Variants in B3GALT1 observed in about 807,000 individuals in gnomAD.
The protein encoded by B3GALT1 is beta-1,3-galactosyltransferase 1.
B3GALT1 carries 10 observed loss-of-function variants against 23.2 expected under a neutral mutation model. The ratio of observed to expected loss-of-function variants is 0.43; its 90% confidence interval spans 0.27 to 0.73. B3GALT1 has a LOEUF of 0.73. B3GALT1 is among the 30% of genes least tolerant of loss of function. B3GALT1 has a pLI of 0.21. For synonymous variants in B3GALT1, 156 were observed against 141.5 expected (o/e 1.10, Z -0.73); for missense variants, 299 against 405.4 (o/e 0.74, Z 2.25).
intron 3 of B3GALT1, among the ~76,000 whole-genome samples, chr2:167,672,766 A>G (rs568095453): frequency 6.6e-6 from 1 of 152,170 alleles, no homozygotes; most frequent in Non-Finnish European, 1.5e-5. Flanking sequence ...TTGTACATAA[A>G]TTAATTTTAT....
intron 1 of B3GALT1, among the ~76,000 whole-genome samples, chr2:167,295,562 A>G (rs1048235385): frequency 1.3e-5 from 2 of 152,242 alleles, no homozygotes; most frequent in African/African-American, 4.8e-5. Context: ...TTTAAAATAA[A>G]CTTCAATTAA....
At chr2:167,856,846 G>A (rs1490666234) in intron 4 of B3GALT1, among the ~76,000 whole-genome samples, 2 of 152,162 alleles carry the variant, frequency 1.3e-5, no homozygotes, top group African/African-American at 4.8e-5. Flanking sequence ...AGGTTTTGCT[G>A]TTCTTGTTAT....
chr2:167,438,627 A>G (rs991413333), intron 1 of B3GALT1, among the ~76,000 whole-genome samples: 1 of 152,348 alleles, frequency 6.6e-6, no homozygotes, highest in East Asian at 1.9e-4. Flanking sequence ...ATAAGCAGCC[A>G]GCTGGAAAAT....
chr2:167,686,527 A>G (rs1446904490), intron 3 of B3GALT1, among the ~76,000 whole-genome samples: 1 of 152,196 alleles, frequency 6.6e-6, no homozygotes, highest in Non-Finnish European at 1.5e-5. Flanking sequence ...CTCAAGTTCA[A>G]ACCAATTCCT....
At chr2:167,666,097 A>T (rs1488440536) in intron 3 of B3GALT1, among the ~76,000 whole-genome samples, 1 of 152,052 alleles carries the variant, frequency 6.6e-6, no homozygotes, top group Non-Finnish European at 1.5e-5. Context: ...AGTGCTGTAA[A>T]TTTCCCTCTA....
chr2:167,507,723 T>G (rs1442180874), intron 2 of B3GALT1, among the ~76,000 whole-genome samples: 1 of 152,064 alleles, frequency 6.6e-6, no homozygotes, highest in Non-Finnish European at 1.5e-5. Context: ...AGCCCTTAGT[T>G]ATTATATTTG....
intron 1 of B3GALT1, among the ~76,000 whole-genome samples, chr2:167,487,533 T>C (rs1470882237): frequency 1.3e-5 from 2 of 152,224 alleles, no homozygotes; most frequent in East Asian, 3.8e-4. Flanking sequence ...ATTTTATTTA[T>C]TTTTCTCATG....
At chr2:167,585,405 C>G (rs970834228) in intron 2 of B3GALT1, among the ~76,000 whole-genome samples, 4 of 152,194 alleles carry the variant, frequency 2.6e-5, no homozygotes, top group African/African-American at 9.6e-5. Flanking sequence ...AAGCACTTTA[C>G]AAGAGGCTAT....
At chr2:167,435,057 G>A (rs1370578544) in intron 1 of B3GALT1, among the ~76,000 whole-genome samples, 1 of 151,836 alleles carries the variant, frequency 6.6e-6, no homozygotes, top group Non-Finnish European at 1.5e-5. Context: ...TAATGATTTT[G>A]ATAAAACCAT....
intron 1 of B3GALT1, among the ~76,000 whole-genome samples, chr2:167,395,400 A>G (rs1698078587): frequency 1.3e-5 from 2 of 152,112 alleles, no homozygotes; most frequent in African/African-American, 4.8e-5. Context: ...AAGTGACATG[A>G]TGATGGAGAT....
intron 2 of B3GALT1, among the ~76,000 whole-genome samples, chr2:167,530,886 T>A (rs755325109): frequency 6.6e-6 from 1 of 152,208 alleles, no homozygotes; most frequent in Non-Finnish European, 1.5e-5. Context: ...TACTTCTGCA[T>A]ACAATCTGCT....
intron 2 of B3GALT1, among the ~76,000 whole-genome samples, chr2:167,555,788 A>G (rs1683837458): frequency 6.6e-6 from 1 of 152,170 alleles, no homozygotes; most frequent in Admixed American, 6.5e-5. Flanking sequence ...TGGCGTGTTA[A>G]TATATCCTAT....
chr2:167,573,939 G>T (rs1684340548), intron 2 of B3GALT1, among the ~76,000 whole-genome samples: 1 of 151,544 alleles, frequency 6.6e-6, no homozygotes, highest in South Asian at 2.1e-4. Context: ...CACAAAATTT[G>T]CCATATGAAT....
At chr2:167,693,781 A>G (rs1439138190) in intron 3 of B3GALT1, among the ~76,000 whole-genome samples, 1 of 152,054 alleles carries the variant, frequency 6.6e-6, no homozygotes, top group African/African-American at 2.4e-5. Context: ...ATAACACTCC[A>G]TGATTCTGAA....
intron 3 of B3GALT1, among the ~76,000 whole-genome samples, chr2:167,799,262 T>A (rs1688594860): frequency 6.6e-6 from 1 of 152,156 alleles, no homozygotes; most frequent in African/African-American, 2.4e-5. Flanking sequence ...AGTGGTGAAG[T>A]CTATACAATT....
intron 2 of B3GALT1, among the ~76,000 whole-genome samples, chr2:167,522,704 T>G (rs1700208205): frequency 1.3e-5 from 2 of 152,204 alleles, no homozygotes; most frequent in Non-Finnish European, 2.9e-5. Context: ...CCAAAAAATC[T>G]GTACACATTG....
chr2:167,567,423 G>C (rs1048993336), intron 2 of B3GALT1, among the ~76,000 whole-genome samples: 2 of 151,900 alleles, frequency 1.3e-5, no homozygotes, highest in Non-Finnish European at 2.9e-5. Flanking sequence ...TGTACCATTG[G>C]AAAAAAGGGA....
chr2:167,324,982 C>T (rs1696870171), intron 1 of B3GALT1, among the ~76,000 whole-genome samples: 1 of 152,056 alleles, frequency 6.6e-6, no homozygotes. Flanking sequence ...ATTTGCATTC[C>T]TCTACCTGGC....
At chr2:167,379,332 G>C (rs1323777576) in intron 1 of B3GALT1, among the ~76,000 whole-genome samples, 1 of 152,098 alleles carries the variant, frequency 6.6e-6, no homozygotes, top group Non-Finnish European at 1.5e-5. Flanking sequence ...GGGGATTATA[G>C]GGATTACAAT....
Sources: gnomAD v4.1 joint callset for allele counts (sites outside exome capture counted in the v4.1 genomes callset) on GRCh38, gnomAD v4.1.1 for gene constraint, MANE v1.5 for transcripts, NCBI Gene and HGNC (gene_info 2026-07-23, HGNC 2026-07-21) for gene names.